The following CSMD1 variants were observed in gnomAD, a reference collection of about 807,000 sequenced individuals.
CSMD1 encodes CUB and Sushi multiple domains 1.
In CSMD1, 213 loss-of-function variants were observed where a neutral mutation model predicts 417.5. The ratio of observed to expected loss-of-function variants is 0.51; its 90% CI spans 0.46 to 0.57. The LOEUF is 0.57. Ranked by LOEUF, CSMD1 falls within the 20% of genes least tolerant of loss-of-function variation. CSMD1 has a pLI of 0.00. For missense variants in CSMD1, 6,923 were observed against 4,529.7 expected (o/e 1.53, Z -15.17); for synonymous variants, 2,862 against 1,736.8 (o/e 1.65, Z -16.11).
chr8:4,688,759 C>G (rs369410090), intron 1 of CSMD1, among the ~76,000 whole-genome samples: 1 of 152,058 alleles, frequency 6.6e-6, no homozygotes, highest in East Asian at 1.9e-4. Flanking sequence ...TACAGCACTG[C>G]GGAGATAACC....
At chr8:3,837,345 AG>A (rs1423490143) in intron 5 of CSMD1, among the ~76,000 whole-genome samples, 15 of 152,294 alleles carry the variant, frequency 9.8e-5, no homozygotes, top group African/African-American at 3.6e-4. Context: ...TCAGAGCCCC[AG>A]GCTGGAGCTA....
At chr8:2,958,438 C>A (rs1252718444) in intron 62 of CSMD1, among the ~76,000 whole-genome samples, 1 of 152,208 alleles carries the variant, frequency 6.6e-6, no homozygotes, top group Non-Finnish European at 1.5e-5. Flanking sequence ...AACGTATCTG[C>A]TCCACTCACC....
chr8:4,813,961 T>G (rs535953876), intron 1 of CSMD1, among the ~76,000 whole-genome samples: 110 of 152,350 alleles, frequency 7.2e-4, no homozygotes, highest in African/African-American at 2.5e-3. Flanking sequence ...TATTTAGTAA[T>G]CAGTGATTCA....
intron 54 of CSMD1, among the ~76,000 whole-genome samples, chr8:2,986,799 C>G (rs552777879): frequency 6.6e-6 from 1 of 152,204 alleles, no homozygotes; most frequent in Admixed American, 6.5e-5. Flanking sequence ...CCACCGCGCC[C>G]GGCTCTCTAG....
At chr8:3,388,814 C>T (rs145256436) in intron 17 of CSMD1, among the ~76,000 whole-genome samples, 6 of 151,932 alleles carry the variant, frequency 3.9e-5, no homozygotes, top group Middle Eastern at 3.4e-3. Context: ...CCAGAGGCAA[C>T]GTGGATATCA....
intron 5 of CSMD1, among the ~76,000 whole-genome samples, chr8:3,887,222 C>A (rs762586253): frequency 5.9e-5 from 9 of 152,160 alleles, no homozygotes. Flanking sequence ...CAAGGAACAT[C>A]TTAGCCATGA....
chr8:4,451,086 G>T (rs763332390), intron 2 of CSMD1, among the ~76,000 whole-genome samples: 1 of 152,148 alleles, frequency 6.6e-6, no homozygotes, highest in Admixed American at 6.5e-5. Context: ...AGCACTTTGG[G>T]AGGCCAAGGC....
chr8:3,793,933 C>T (rs1048622117), intron 5 of CSMD1, among the ~76,000 whole-genome samples: 3 of 152,136 alleles, frequency 2.0e-5, no homozygotes, highest in African/African-American at 7.2e-5. Flanking sequence ...TTGATACTCT[C>T]CCCCAGAGCT....
chr8:3,585,265 T>A (rs1023408652), intron 9 of CSMD1, among the ~76,000 whole-genome samples: 1 of 152,228 alleles, frequency 6.6e-6, no homozygotes, highest in Non-Finnish European at 1.5e-5. Context: ...GTACCTTTTT[T>A]AATAACTAAA....
intron 2 of CSMD1, among the ~76,000 whole-genome samples, chr8:4,626,587 G>A (rs1041018519): frequency 1.1e-4 from 16 of 152,228 alleles, no homozygotes; most frequent in African/African-American, 3.4e-4. Flanking sequence ...ATGGAGCCAA[G>A]GAAATCCAGT....
intron 3 of CSMD1, among the ~76,000 whole-genome samples, chr8:4,282,943 A>C (rs1308725683): frequency 6.6e-6 from 1 of 152,098 alleles, no homozygotes; most frequent in Non-Finnish European, 1.5e-5. Flanking sequence ...GTCAAATCTG[A>C]CCCTACACTT....
chr8:4,256,445 G>C (rs1045248894), intron 3 of CSMD1, among the ~76,000 whole-genome samples: 1 of 152,180 alleles, frequency 6.6e-6, no homozygotes, highest in Non-Finnish European at 1.5e-5. Context: ...GATTAAAAGA[G>C]GTGATATAGA....
intron 6 of CSMD1, among the ~76,000 whole-genome samples, chr8:3,712,848 C>A (rs1323781842): frequency 6.6e-6 from 1 of 152,124 alleles, no homozygotes; most frequent in East Asian, 1.9e-4. Context: ...GAGGCCAGGG[C>A]TGGGGGACCT....
chr8:4,603,977 G>C (rs1186409359), intron 2 of CSMD1, among the ~76,000 whole-genome samples: 2 of 151,986 alleles, frequency 1.3e-5, no homozygotes, highest in African/African-American at 2.4e-5. Context: ...ATTACAAATT[G>C]ACATGTTATA....
chr8:3,442,729 G>A (rs956210052), intron 12 of CSMD1, among the ~76,000 whole-genome samples: 7 of 152,118 alleles, frequency 4.6e-5, no homozygotes, highest in Non-Finnish European at 1.5e-5. Context: ...GCATATGCAT[G>A]TATATATACA....
chr8:3,610,179 G>T (rs559942070), intron 8 of CSMD1, among the ~76,000 whole-genome samples: 2 of 152,146 alleles, frequency 1.3e-5, no homozygotes, highest in South Asian at 4.1e-4. Flanking sequence ...CTGTAGTCCA[G>T]CAGCTTCCAT....
chr8:4,441,095 G>GATTTTTTTTTTTTTT (rs1798443526), intron 2 of CSMD1, among the ~76,000 whole-genome samples: 1 of 51,296 alleles, frequency 1.9e-5, no homozygotes, highest in Non-Finnish European at 3.6e-5. Flanking sequence ...TAATCAAAAG[G>GATTTTTTTTTTTTTT]TTTTTTTTTT....
intron 2 of CSMD1, among the ~76,000 whole-genome samples, chr8:4,452,545 C>A: frequency 6.6e-6 from 1 of 152,144 alleles, no homozygotes. Flanking sequence ...AAAAATAATT[C>A]ACTTTTTCCA....
At chr8:3,169,813 C>G (rs1029708133) in intron 37 of CSMD1, among the ~76,000 whole-genome samples, 2 of 152,246 alleles carry the variant, frequency 1.3e-5, no homozygotes, top group Middle Eastern at 3.4e-3. Context: ...AAGTACCCCC[C>G]ACTTTCTTCT....
Sources: gnomAD v4.1 joint callset for allele counts (sites outside exome capture counted in the v4.1 genomes callset) on GRCh38, gnomAD v4.1.1 for gene constraint, MANE v1.5 for transcripts, NCBI Gene and HGNC (gene_info 2026-07-23, HGNC 2026-07-21) for gene names.